Variants in GPR158 observed in about 807,000 individuals in gnomAD.
GPR158 encodes G protein-coupled receptor 158.
A neutral mutation model predicts 78.2 loss-of-function variants in GPR158; 30 were observed. That is an observed-to-expected ratio of 0.38 (90% CI 0.29 to 0.52). The LOEUF is 0.52. GPR158 is among the 20% of genes least tolerant of loss of function. The pLI is 0.83. For missense variants in GPR158, 1,463 were observed against 1,523.5 expected (o/e 0.96, Z 0.66); for synonymous variants, 581 against 591.1 (o/e 0.98, Z 0.25).
At chr10:25,587,940 T>C (rs894730114) in intron 7 of GPR158, among the ~76,000 whole-genome samples, 2 of 152,088 alleles carry the variant, frequency 1.3e-5, no homozygotes, top group African/African-American at 4.8e-5. Flanking sequence ...ATCTAGATAA[T>C]GCATTTGATG....
At chr10:25,367,304 A>ATT (rs1004088954) in intron 2 of GPR158, among the ~76,000 whole-genome samples, 27 of 150,884 alleles carry the variant, frequency 1.8e-4, no homozygotes, top group African/African-American at 6.3e-4. Context: ...GGGTACATGG[A>ATT]TTTTTTTTTC....
intron 4 of GPR158, among the ~76,000 whole-genome samples, chr10:25,438,224 T>C (rs1835024432): frequency 1.3e-5 from 2 of 152,180 alleles, no homozygotes. Context: ...GAGAAGACTA[T>C]TGAAAGTTTG....
intron 2 of GPR158, among the ~76,000 whole-genome samples, chr10:25,281,423 A>AAG (rs1854272803): frequency 6.6e-6 from 1 of 150,566 alleles, no homozygotes; most frequent in Admixed American, 6.6e-5. Context: ...AAAAAAAAAA[A>AAG]AAAAAATAGC....
rs1487709832 is a variant in GPR158, at chr10:25,196,249, G to T, written c.902+19927G>T. 3.3e-5 allele frequency among the ~76,000 whole-genome samples: 5 copies of T among 151,244 alleles called. No individual in the cohort carries two copies. The East Asian group carries it at 9.6e-4, about 29-fold the overall frequency. On this transcript the variant is annotated intron_variant, in intron 1 of 10. Transcript: ENST00000376351. ...TCCTTTAAAAAAAAAACTTCTGAGA[G>T]ATTTTATTCTTTTCTTTTTTTGTTA... is the stretch of plus-strand genomic sequence containing the variant.
chr10:25,530,140 A>T (rs1043025790), intron 5 of GPR158, among the ~76,000 whole-genome samples: 3 of 152,080 alleles, frequency 2.0e-5, no homozygotes, highest in African/African-American at 7.2e-5. Context: ...TACTTCTGAG[A>T]TGGTCTCCTC....
chr10:25,395,759 C>A, intron 2 of GPR158, 152 bp from the exon 3 acceptor site: 2 of 487,368 alleles, frequency 4.1e-6, no homozygotes, highest in South Asian at 3.5e-5. Context: ...AAATTGTTGG[C>A]ACAACAAAAC....
Position 25,311,592 on chromosome 10 carries a change from G to T in GPR158, c.1009-84319G>T, listed in dbSNP as rs115688670. Among the ~76,000 whole-genome samples, 415 of 151,964 alleles carry T rather than the reference G, an allele frequency of 2.7e-3. 1 individual carries two copies. The highest frequency in any genetic ancestry group is 9.2e-3 in the African/African-American group (380 of 41,490). On this transcript the variant is annotated intron_variant, in intron 2 of 10. Transcript: ENST00000376351. ...CGTTCTGTGATTTTTCAGAAATTGC[G>T]AATTGAGATAGTTTTACTTGTTTTT...
chr10:25,498,521 C>G (rs574320758), intron 5 of GPR158, among the ~76,000 whole-genome samples: 65 of 152,268 alleles, frequency 4.3e-4, no homozygotes, highest in South Asian at 2.5e-3. Flanking sequence ...TCAAGGCTCT[C>G]CAGATGATTC....
chr10:25,526,600 AGAG>A (rs1395223250), intron 5 of GPR158, among the ~76,000 whole-genome samples: 1 of 152,250 alleles, frequency 6.6e-6, no homozygotes, highest in African/African-American at 2.4e-5. Context: ...AAAGATATAA[AGAG>A]AACTCAATAA....
intron 2 of GPR158, among the ~76,000 whole-genome samples, chr10:25,245,638 A>G (rs1645070779): frequency 6.6e-6 from 1 of 152,156 alleles, no homozygotes; most frequent in Admixed American, 6.5e-5. Context: ...TAAAAGTTTA[A>G]AAATTTTCCT....
At chr10:25,260,074 A>G (rs1472959391) in intron 2 of GPR158, among the ~76,000 whole-genome samples, 1 of 152,178 alleles carries the variant, frequency 6.6e-6, no homozygotes, top group Non-Finnish European at 1.5e-5. Context: ...AATGTTGAAT[A>G]CAAGTAATAA....
Position 25,597,760 on chromosome 10 carries a change from T to C in GPR158, c.2146-12T>C. ...ATTCTACACTTCTTTGAATTTGCTT[T>C]TGTTCTGGCAGGACGAGCTGAAAAA... is the stretch of plus-strand genomic sequence containing the variant. On this transcript the variant is annotated splice_polypyrimidine_tract_variant and intron_variant, in intron 10 of 10. Transcript: ENST00000376351. 1 of 1,493,468 alleles carries C rather than the reference T, an allele frequency of 6.7e-7. No homozygotes were observed. Among genetic ancestry groups the C allele is most frequent in the Non-Finnish European group, 8.9e-7 (1 of 1,122,104 alleles). The allele number at this position is 1,493,468 out of a possible 1,614,324, so 92.5% of individuals were successfully genotyped here. A position where few individuals can be genotyped will look rare whatever the true frequency, so the allele number is the denominator to read the frequency against.
chr10:25,293,868 C>T (rs4423091), intron 2 of GPR158, among the ~76,000 whole-genome samples: 82,255 of 151,528 alleles, frequency 0.54, 23,298 homozygotes, highest in Non-Finnish European at 0.64. Flanking sequence ...GCCTCAGCCT[C>T]CTGAGTAGTT....
chr10:25,454,884 C>T lies in GPR158; in HGVS notation c.1336-11767C>T, dbSNP rs76967560. ...AGAATTTCTTCTCCCCTTGAATATG[C>T]ATCAACAGTATTGGATTTTTCCATT... On this transcript the variant is annotated intron_variant, in intron 4 of 10. Coordinates refer to ENST00000376351, the MANE Select transcript of GPR158 (RefSeq NM_020752.3). Among the ~76,000 whole-genome samples, 203 of 152,250 alleles carry T rather than the reference C, an allele frequency of 1.3e-3. 2 individuals carry two copies. Among genetic ancestry groups the T allele is most frequent in the East Asian group, 8.1e-3 (42 of 5,174 alleles).
intron 1 of GPR158, among the ~76,000 whole-genome samples, chr10:25,206,223 G>A (rs1017701551): frequency 1.9e-4 from 29 of 152,046 alleles, no homozygotes; most frequent in Non-Finnish European, 7.4e-5. Flanking sequence ...TCCTGACCTC[G>A]TGATCCGCCT....
At chr10:25,484,958 T>C (rs1023445801) in intron 5 of GPR158, among the ~76,000 whole-genome samples, 1 of 152,134 alleles carries the variant, frequency 6.6e-6, no homozygotes, top group Non-Finnish European at 1.5e-5. Context: ...TAACAGTCTC[T>C]GGGAAACGTG....
chr10:25,441,161 C>G (rs1434543787), intron 4 of GPR158, among the ~76,000 whole-genome samples: 1 of 152,130 alleles, frequency 6.6e-6, no homozygotes, highest in Non-Finnish European at 1.5e-5. Context: ...TTTTGAGCTT[C>G]AGGACTCTCT....
intron 4 of GPR158, among the ~76,000 whole-genome samples, chr10:25,434,932 G>A: frequency 1.3e-5 from 1 of 74,698 alleles, no homozygotes; most frequent in African/African-American, 4.0e-5. Flanking sequence ...TAGGCAGAAA[G>A]ATATATATGC....
chr10:25,319,828 C>CT (rs1029158166), intron 2 of GPR158, among the ~76,000 whole-genome samples: 6 of 144,640 alleles, frequency 4.1e-5, no homozygotes, highest in Non-Finnish European at 7.4e-5. Flanking sequence ...CCCCACCCCC[C>CT]CCAAAAAAAA....
Sources: allele counts gnomAD v4.1 joint callset (sites outside exome capture counted in the v4.1 genomes callset), GRCh38; gene constraint gnomAD v4.1.1; transcripts MANE v1.5; gene names NCBI Gene and HGNC (gene_info 2026-07-23, HGNC 2026-07-21).